The following ATP7A variants were observed in gnomAD, a reference collection of about 807,000 sequenced individuals.
ATP7A encodes the protein copper-transporting ATPase 1.
Under a neutral mutation model 83.5 loss-of-function variants are expected in ATP7A, and 7 were observed. The observed-to-expected ratio is 0.08, with a 90% CI of 0.05 to 0.16. The LOEUF (loss-of-function observed/expected upper bound fraction) is 0.16, where lower values mean the gene tolerates loss of function less well. Among genes scored for constraint, ATP7A ranks in the 10% least tolerant of loss-of-function variants. ATP7A has a pLI of 1.00. For synonymous variants in ATP7A, 354 were observed against 395.2 expected (o/e 0.90, Z 1.24); for missense variants, 940 against 1,120.8 (o/e 0.84, Z 2.30).
intron 17 of ATP7A, 67 bp downstream of exon 17, chrX:78,033,888 C>A: frequency 1.9e-6 from 2 of 1,042,026 alleles, no homozygotes; most frequent in Non-Finnish European, 1.3e-6. Flanking sequence ...CTTTATAACC[C>A]TGAACTGTTA....
chrX:78,022,813 C>T (rs1410345395), intron 14 of ATP7A, among the ~76,000 whole-genome samples: 3 of 111,413 alleles, frequency 2.7e-5, no homozygotes, highest in South Asian at 3.8e-4. Flanking sequence ...CCACTGTGCC[C>T]GGCCCGTGGA....
rs1557232820 is a variant in ATP7A at position 77,998,677 on chromosome X, G to T, written c.1536G>T (p.Arg512=). ...CAAACATTGAACGGAATTTAAGGCG[G>T]GAAGAAGGTGAGACACTCTTGAAGC... ...CVANIERNLR[R]EEGIYSILVA... Residue 512 remains arginine (R), a synonymous_variant, in exon 5 of 23, where the codon CGG becomes CGT. Transcript: ENST00000341514. 3 of 1,210,781 alleles carry T rather than the reference G, an allele frequency of 2.5e-6. No individual in the cohort carries two copies. Among genetic ancestry groups the T allele is most frequent in the Non-Finnish European group, 3.4e-6 (3 of 894,763 alleles).
chrX:78,001,512 T>C (rs1210696150), intron 5 of ATP7A, among the ~76,000 whole-genome samples: 1 of 111,940 alleles, frequency 8.9e-6, no homozygotes, highest in Admixed American at 9.5e-5. Flanking sequence ...TGATTGACTA[T>C]AGTCACACTG....
At chrX:77,939,582 A>C (rs1369791111) in intron 1 of ATP7A, among the ~76,000 whole-genome samples, 2 of 110,965 alleles carry the variant, frequency 1.8e-5, no homozygotes, top group Non-Finnish European at 3.8e-5. Context: ...TGTAAAATAA[A>C]CAGATATACA....
At chrX:78,034,444 G>T (rs2078000524) in intron 17 of ATP7A, among the ~76,000 whole-genome samples, 1 of 111,141 alleles carries the variant, frequency 9.0e-6, no homozygotes, top group Admixed American at 9.6e-5. Context: ...TATAGATTCT[G>T]TCTTTTTCTT....
intron 8 of ATP7A, 43 bp from the exon 9 acceptor site, chrX:78,011,406 A>G (rs1557234457): frequency 2.6e-6 from 3 of 1,137,162 alleles, no homozygotes; most frequent in Non-Finnish European, 3.6e-6. Flanking sequence ...CCCATTAGCT[A>G]TTTATGACCA....
At chrX:78,027,385 C>T (rs1429456535) in intron 14 of ATP7A, among the ~76,000 whole-genome samples, 1 of 111,605 alleles carries the variant, frequency 9.0e-6, no homozygotes, top group Non-Finnish European at 1.9e-5. Context: ...CCTAGGAATA[C>T]ATTTAACCAA....
At chrX:78,029,732 G>A (rs1320647815) in intron 15 of ATP7A, among the ~76,000 whole-genome samples, 1 of 112,016 alleles carries the variant, frequency 8.9e-6, no homozygotes, top group Non-Finnish European at 1.9e-5. Flanking sequence ...CTTTGTGGCA[G>A]AAAGACAGAA....
At chrX:77,991,124 A>G (rs1557232027) in intron 4 of ATP7A, among the ~76,000 whole-genome samples, 1 of 111,978 alleles carries the variant, frequency 8.9e-6, no homozygotes, top group Non-Finnish European at 1.9e-5. Flanking sequence ...GGTTGTTAGT[A>G]TACTTACAGA....
At chrX:77,954,305 G>A (rs1262989484) in intron 1 of ATP7A, among the ~76,000 whole-genome samples, 1 of 110,610 alleles carries the variant, frequency 9.0e-6, no homozygotes, top group Non-Finnish European at 1.9e-5. Flanking sequence ...CACCATGCCC[G>A]GCTAATTTTT....
chrX:77,923,057 G>C (rs1359130472), intron 1 of ATP7A: 1 of 112,213 alleles, frequency 8.9e-6, no homozygotes, highest in African/African-American at 3.2e-5. Context: ...ACAACAGTAA[G>C]CAACAGAATT....
rs782482837 is a variant in ATP7A at position 78,031,406 on chromosome X, G to T, written c.3118G>T (p.Val1040Leu). ...TATCTTAATTTTTTTACAGGTAAAG[G>T]TAGTGGTATTTGATAAGACTGGAAC... is the stretch of plus-strand genomic sequence containing the variant. ...EPLEMAHKVK[V>L]VVFDKTGTIT... The change falls in exon 16 of 23, where the codon GTA (valine) becomes TTA (leucine). Residue 1040 changes from valine (V) to leucine (L), a missense_variant. Val to Leu is a conservative substitution (Grantham distance 32). This residue lies in a region of ATP7A where 386 missense variants were observed against 502.2 expected (regional missense o/e 0.77). Coordinates refer to ENST00000341514, the MANE Select transcript of ATP7A (RefSeq NM_000052.7). 2.5e-6 allele frequency: 3 copies of T among 1,207,710 alleles called. No individual in the cohort carries two copies. The highest frequency in any genetic ancestry group is 4.4e-5 in the Admixed American group (2 of 45,760).
chrX:78,001,829 A>G (rs1384832962), intron 5 of ATP7A, among the ~76,000 whole-genome samples: 1 of 110,856 alleles, frequency 9.0e-6, no homozygotes, highest in East Asian at 2.8e-4. Flanking sequence ...GGTTGTTAAA[A>G]AAAAAAAGGT....
chrX:78,040,949 G>A (rs186122832), intron 19 of ATP7A, among the ~76,000 whole-genome samples: 2 of 111,735 alleles, frequency 1.8e-5, no homozygotes. Flanking sequence ...TTCATGGGAT[G>A]CTTGCGTGAC....
At chrX:78,045,355 A>C in intron 21 of ATP7A, 115 bp from the exon 22 acceptor site, 1 of 702,750 alleles carries the variant, frequency 1.4e-6, no homozygotes. Context: ...TCTACCACCA[A>C]GAGGATAAAT....
At chrX:77,967,381 C>T (rs1236830877) in intron 1 of ATP7A, among the ~76,000 whole-genome samples, 1 of 111,932 alleles carries the variant, frequency 8.9e-6, no homozygotes, top group Non-Finnish European at 1.9e-5. Flanking sequence ...AGTGTAAAAG[C>T]GTTCCTATTT....
chrX:78,012,770 G>T, intron 9 of ATP7A, 109 bp from the exon 10 acceptor site: 1 of 678,969 alleles, frequency 1.5e-6, no homozygotes. Context: ...AGTGTTTATG[G>T]ATTAGCTAAA....
intron 1 of ATP7A, among the ~76,000 whole-genome samples, chrX:77,961,507 C>G (rs1557228079): frequency 1.8e-5 from 2 of 111,826 alleles, no homozygotes; most frequent in African/African-American, 6.5e-5. Context: ...GATCAGCCCT[C>G]AAAAGCCCCA....
Position 78,040,612 on chromosome X carries a change from C to A in ATP7A, c.3680C>A (p.Ala1227Asp). The stretch of plus-strand genomic sequence containing the variant: ...TTAGATGAGCTGTGTGGCTTGATAG[C>A]CATTGCAGACACAGTGAAGCCTGAA... Reference protein sequence around the residue: ...AVDDELCGLIAIADTVKPEAE... With the variant: ...AVDDELCGLIDIADTVKPEAE... Residue 1227 changes from alanine (A) to aspartate (D), a missense_variant, in exon 19 of 23, where the codon GCC (alanine) becomes GAC (aspartate). By Grantham distance (126) the Ala-to-Asp change is moderately radical (BLOSUM62 -2). This residue lies in a region of ATP7A where 386 missense variants were observed against 502.2 expected (regional missense o/e 0.77). Transcript: ENST00000341514. 8.3e-7 allele frequency: 1 copy of A among 1,211,055 alleles called. No homozygotes were observed. The highest frequency in any genetic ancestry group is 3.0e-5 in the East Asian group (1 of 33,843).
Sources: gnomAD v4.1 joint callset for allele counts (sites outside exome capture counted in the v4.1 genomes callset) on GRCh38, gnomAD v4.1.1 for gene constraint, gnomAD v4.1.1 regional missense constraint, MANE v1.5 for transcripts, NCBI Gene and HGNC (gene_info 2026-07-23, HGNC 2026-07-21) for gene names.